The following CDH12 variants were observed in gnomAD, a reference collection of about 807,000 sequenced individuals.
CDH12 encodes the protein cadherin-12.
A neutral mutation model predicts 74.1 loss-of-function variants in CDH12; 41 were observed. The ratio of observed to expected loss-of-function variants is 0.55; its 90% CI spans 0.43 to 0.72. CDH12 has a LOEUF of 0.72. Ranked by LOEUF, CDH12 falls within the 30% of genes least tolerant of loss-of-function variation. The pLI is 0.00. For missense variants in CDH12, 945 were observed against 977.2 expected (o/e 0.97, Z 0.44); for synonymous variants, 399 against 355.0 (o/e 1.12, Z -1.39).
At chr5:22,170,624 A>C (rs2150327836) in intron 4 of CDH12, among the ~76,000 whole-genome samples, 1 of 151,548 alleles carries the variant, frequency 6.6e-6, no homozygotes, top group South Asian at 2.1e-4. Flanking sequence ...TACATTTTCA[A>C]ATTCAGTGCT....
intron 1 of CDH12, among the ~76,000 whole-genome samples, chr5:22,641,793 A>G (rs1240601473): frequency 6.6e-6 from 1 of 152,108 alleles, no homozygotes; most frequent in African/African-American, 2.4e-5. Context: ...ATTTCCTCAC[A>G]CTAAAATATA....
At chr5:22,335,242 C>G (rs1411956804) in intron 3 of CDH12, among the ~76,000 whole-genome samples, 1 of 152,272 alleles carries the variant, frequency 6.6e-6, no homozygotes, top group South Asian at 2.1e-4. Context: ...ATAATTCCCA[C>G]ATGTTGTGGG....
chr5:22,720,525 A>G (rs1347387702), intron 1 of CDH12, among the ~76,000 whole-genome samples: 5 of 152,172 alleles, frequency 3.3e-5, no homozygotes, highest in Non-Finnish European at 7.3e-5. Flanking sequence ...TGCTATAAAG[A>G]TAACCTGAAA....
intron 1 of CDH12, among the ~76,000 whole-genome samples, chr5:22,711,294 A>T (rs1339475410): frequency 1.3e-5 from 2 of 152,136 alleles, no homozygotes; most frequent in African/African-American, 4.8e-5. Flanking sequence ...TCTAGATATC[A>T]AACCAAGGTG....
At chr5:22,623,778 T>C (rs1738115318) in intron 1 of CDH12, among the ~76,000 whole-genome samples, 1 of 152,198 alleles carries the variant, frequency 6.6e-6, no homozygotes, top group Non-Finnish European at 1.5e-5. Context: ...CCCATCAAGC[T>C]ACCAATGACT....
intron 2 of CDH12, among the ~76,000 whole-genome samples, chr5:22,442,202 G>A (rs1264743825): frequency 3.3e-5 from 5 of 152,134 alleles, no homozygotes; most frequent in African/African-American, 1.2e-4. Flanking sequence ...GTATTTATAA[G>A]CATTAGTATC....
chr5:22,372,759 C>T (rs1366604841), intron 3 of CDH12, among the ~76,000 whole-genome samples: 1 of 152,122 alleles, frequency 6.6e-6, no homozygotes, highest in Non-Finnish European at 1.5e-5. Flanking sequence ...AGGTGGTGGG[C>T]CCACGGCTGG....
intron 2 of CDH12, among the ~76,000 whole-genome samples, chr5:22,416,660 A>T (rs1013900322): frequency 2.2e-5 from 3 of 138,620 alleles, no homozygotes; most frequent in Non-Finnish European, 3.4e-5. Context: ...AGGAATACAT[A>T]AAAAAAATAA....
chr5:22,488,286 A>G (rs1746691678), intron 2 of CDH12, among the ~76,000 whole-genome samples: 1 of 152,250 alleles, frequency 6.6e-6, no homozygotes, highest in Non-Finnish European at 1.5e-5. Flanking sequence ...ATGGCCATTT[A>G]TGGAGAAAAT....
intron 3 of CDH12, among the ~76,000 whole-genome samples, chr5:22,265,475 AAG>A (rs1450832458): frequency 2.0e-5 from 3 of 152,176 alleles, no homozygotes; most frequent in African/African-American, 7.2e-5. Flanking sequence ...TTTCTGTTTA[AAG>A]AGAAAGGTTC....
Position 22,196,065 on chromosome 5 carries a change from T to C in CDH12, c.-187+16433A>G, listed in dbSNP as rs113018931. On this transcript the variant is annotated intron_variant, in intron 4 of 14. Coordinates refer to ENST00000382254, the MANE Select transcript of CDH12 (RefSeq NM_004061.5). Reference sequence around the variant, plus strand: ...TATATTACAGAAGTTTTGGTAGAAATAGTGTGTGTATATTACAGTGTGTAT... The same window carrying C: ...TATATTACAGAAGTTTTGGTAGAAACAGTGTGTGTATATTACAGTGTGTAT... Among the ~76,000 whole-genome samples, 1,505 of 152,168 alleles carry C rather than the reference T, an allele frequency of 9.9e-3. 18 individuals carry two copies. Among genetic ancestry groups the C allele is most frequent in the Non-Finnish European group, 0.016 (1,113 of 67,996 alleles).
intron 1 of CDH12, among the ~76,000 whole-genome samples, chr5:22,526,222 C>T (rs1012261089): frequency 2.6e-5 from 4 of 151,862 alleles, no homozygotes; most frequent in African/African-American, 4.8e-5. Flanking sequence ...AAAAAGCAAA[C>T]GTTACTTCAG....
chr5:22,313,901 T>C (rs1738496389), intron 3 of CDH12, among the ~76,000 whole-genome samples: 1 of 152,034 alleles, frequency 6.6e-6, no homozygotes, highest in Admixed American at 6.6e-5. Context: ...CACTATAATC[T>C]CAGATTTTAC....
Position 22,333,231 on chromosome 5 carries a change from C to T in CDH12, c.-333+72026G>A, listed in dbSNP as rs187062054. ...TAACACAGAAACAGAAACCAAAAAC[C>T]GCATGTTTTCACTCATAAGTTGGAG... On this transcript the variant is annotated intron_variant, in intron 3 of 14. Coordinates refer to ENST00000382254, the MANE Select transcript of CDH12 (RefSeq NM_004061.5). Among the ~76,000 whole-genome samples, 427 of 152,008 alleles carry T rather than the reference C, an allele frequency of 2.8e-3. 3 individuals are homozygous for T. The highest frequency in any genetic ancestry group is 1.0e-2 in the African/African-American group (413 of 41,452).
At chr5:22,130,423 A>G (rs1000886103) in intron 4 of CDH12, among the ~76,000 whole-genome samples, 11 of 152,144 alleles carry the variant, frequency 7.2e-5, no homozygotes, top group African/African-American at 2.7e-4. Flanking sequence ...TAGAAGGAAT[A>G]AATGTCAACT....
chr5:22,538,031 C>G (rs1416892139), intron 1 of CDH12, among the ~76,000 whole-genome samples: 1 of 152,178 alleles, frequency 6.6e-6, no homozygotes, highest in African/African-American at 2.4e-5. Context: ...AATTCAAGAC[C>G]TAGCTGGTCT....
intron 1 of CDH12, among the ~76,000 whole-genome samples, chr5:22,775,536 A>G (rs765645908): frequency 1.1e-4 from 17 of 152,018 alleles, no homozygotes; most frequent in Non-Finnish European, 1.9e-4. Flanking sequence ...GTAATTTTAT[A>G]CTAAAACAAA....
intron 12 of CDH12, among the ~76,000 whole-genome samples, chr5:21,763,761 G>A (rs1320598479): frequency 3.3e-5 from 5 of 151,868 alleles, no homozygotes; most frequent in African/African-American, 1.2e-4. Flanking sequence ...AGAAAAAATG[G>A]CAACCTACCA....
intron 5 of CDH12, among the ~76,000 whole-genome samples, chr5:21,977,079 G>T (rs891493701): frequency 6.6e-6 from 1 of 151,800 alleles, no homozygotes; most frequent in Non-Finnish European, 1.5e-5. Context: ...TTCAATATTT[G>T]TTCTAAAAGT....
Sources: gnomAD v4.1 joint callset for allele counts (sites outside exome capture counted in the v4.1 genomes callset) on GRCh38, gnomAD v4.1.1 for gene constraint, MANE v1.5 for transcripts, NCBI Gene and HGNC (gene_info 2026-07-23, HGNC 2026-07-21) for gene names.